Variants in DNAH7 observed in about 807,000 individuals in gnomAD.
DNAH7 encodes axonemal beta dynein heavy chain 7.
Under a neutral mutation model 444.6 loss-of-function variants are expected in DNAH7, and 397 were observed. That is an observed-to-expected ratio of 0.89 (90% CI 0.82 to 0.97). The LOEUF (loss-of-function observed/expected upper bound fraction) is 0.97, where lower values mean the gene tolerates loss of function less well. DNAH7 is among the 50% of genes least tolerant of loss of function. The probability of loss-of-function intolerance (pLI) is 0.00; values close to 1 mark genes in which losing one functional copy is unlikely to be tolerated. For missense variants in DNAH7, 4,902 were observed against 4,800.8 expected, an observed-to-expected ratio of 1.02 and a Z score of -0.62; for synonymous variants, 1,636 against 1,624.4, an observed-to-expected ratio of 1.01 and a Z score of -0.17.
intron 17 of DNAH7, among the ~76,000 whole-genome samples, chr2:195,966,800 T>G (rs1176537971): frequency 6.6e-6 from 1 of 152,184 alleles, no homozygotes; most frequent in African/African-American, 2.4e-5. Context: ...ATGGAATATA[T>G]TTTTTCAACC....
chr2:195,763,142 T>G (rs1285090241), intron 61 of DNAH7, among the ~76,000 whole-genome samples: 1 of 152,102 alleles, frequency 6.6e-6, no homozygotes, highest in East Asian at 1.9e-4. Context: ...AAAAGGAAAT[T>G]CAAAATTTTC....
rs1246476288 is a variant in DNAH7 at position 195,957,299 on chromosome 2, C to A, written c.3040G>T (p.Asp1014Tyr). The A allele has an allele frequency of 6.2e-7, 1 of 1,600,108 alleles. No individual in the cohort carries two copies. Among genetic ancestry groups the A allele is most frequent in the Middle Eastern group, 1.7e-4 (1 of 5,824 alleles). ...PEEGRRFTAV[D>Y]KTWRDIMRSV... is the part of the protein sequence containing the mutation. ...CTCATTATATCTCTCCATGTCTTAT[C>A]CACAGCTGTAAATCGTCTGCCTTCC... Residue 1014 changes from aspartate to tyrosine, a missense_variant, in exon 19 of 65, where the codon GAT becomes TAT. Asp to Tyr is a radical substitution (Grantham distance 160, BLOSUM62 -3). Transcript: ENST00000312428.
At chr2:196,032,823 C>G (rs1696140313) in intron 5 of DNAH7, among the ~76,000 whole-genome samples, 1 of 152,116 alleles carries the variant, frequency 6.6e-6, no homozygotes, top group African/African-American at 2.4e-5. Flanking sequence ...AAGAAAACTA[C>G]AGGGCCATAT....
intron 57 of DNAH7, among the ~76,000 whole-genome samples, chr2:195,787,820 G>C (rs768675832): frequency 1.3e-5 from 2 of 152,060 alleles, no homozygotes; most frequent in African/African-American, 4.8e-5. Flanking sequence ...AAGTGAAGTC[G>C]CCACACTCCT....
chr2:195,974,947 A>G (rs958047911), intron 15 of DNAH7, among the ~76,000 whole-genome samples: 24 of 152,096 alleles, frequency 1.6e-4, no homozygotes, highest in African/African-American at 5.1e-4. Context: ...AATCACTTTA[A>G]CTCTTTTTTA....
chr2:195,849,652 A>G (rs1383045995), intron 46 of DNAH7, among the ~76,000 whole-genome samples: 1 of 152,006 alleles, frequency 6.6e-6, no homozygotes, highest in Non-Finnish European at 1.5e-5. Flanking sequence ...CCCAGGCTGG[A>G]GTGCAGTGGC....
At chr2:196,000,536 T>C (rs187511865) in intron 12 of DNAH7, among the ~76,000 whole-genome samples, 168 bp downstream of exon 12, 1 of 152,344 alleles carries the variant, frequency 6.6e-6, no homozygotes, top group African/African-American at 2.4e-5. Context: ...AAAGTAGGTA[T>C]ATTTTGAGAG....
Position 195,834,262 on chromosome 2 carries a change from A to T in DNAH7, c.9044T>A (p.Leu3015His). 1 of 1,609,090 alleles carries T rather than the reference A, an allele frequency of 6.2e-7. No individual in the cohort carries two copies. The highest frequency in any genetic ancestry group is 8.5e-7 in the Non-Finnish European group (1 of 1,176,048). Residue 3015 changes from leucine (L) to histidine (H), a missense_variant, in exon 48 of 65, where the codon CTT (leucine) becomes CAT (histidine). Coordinates refer to ENST00000312428, the MANE Select transcript of DNAH7 (RefSeq NM_018897.3). ...AGTCCTGACATAGTCAGGTTCACTA[A>T]GTTTAATCACATAAAGACTATTGGC... ...EKANSLYVIK[L>H]SEPDYVRTLE...
intron 10 of DNAH7, among the ~76,000 whole-genome samples, chr2:196,012,504 A>T (rs1694781288): frequency 1.3e-5 from 2 of 152,144 alleles, no homozygotes; most frequent in Admixed American, 1.3e-4. Context: ...TTAGGTAACC[A>T]TTCTCTCATG....
intron 19 of DNAH7, among the ~76,000 whole-genome samples, chr2:195,945,465 T>A (rs567494402): frequency 6.6e-6 from 1 of 152,280 alleles, no homozygotes; most frequent in African/African-American, 2.4e-5. Context: ...AGTCATGTGT[T>A]CACGATCTTC....
At chr2:195,863,758 C>T (rs913711605) in intron 41 of DNAH7, among the ~76,000 whole-genome samples, 1 of 152,162 alleles carries the variant, frequency 6.6e-6, no homozygotes, top group African/African-American at 2.4e-5. Context: ...AGTAACACTT[C>T]CTGCTATTGC....
At chr2:195,998,341 G>A in intron 12 of DNAH7, among the ~76,000 whole-genome samples, 1 of 152,124 alleles carries the variant, frequency 6.6e-6, no homozygotes, top group Non-Finnish European at 1.5e-5. Flanking sequence ...TTGGGAGGCA[G>A]AGGTGGGCGG....
rs1169010067 is a variant in DNAH7, at chr2:195,857,376, C to G, written c.8414+1G>C. The G allele has an allele frequency of 6.4e-7, 1 of 1,558,140 alleles. No individual in the cohort carries two copies. The highest frequency in any genetic ancestry group is 8.6e-7 in the Non-Finnish European group (1 of 1,158,888). ...CTGGATTTCTTTTTATCAGCACTTA[C>G]TTATCATATGAATCCATTGCTATGA... On this transcript the variant is annotated splice_donor_variant, in intron 44 of 64. Coordinates refer to ENST00000312428, the MANE Select transcript of DNAH7 (RefSeq NM_018897.3). LOFTEE classifies it high-confidence loss of function.
intron 10 of DNAH7, among the ~76,000 whole-genome samples, chr2:196,004,757 C>T (rs1005082749): frequency 6.7e-6 from 1 of 148,602 alleles, no homozygotes; most frequent in African/African-American, 2.5e-5. Context: ...CAAGACCAGC[C>T]TGGACAACAT....
At chr2:195,833,890 G>T (rs1698197115) in intron 48 of DNAH7, among the ~76,000 whole-genome samples, 1 of 151,980 alleles carries the variant, frequency 6.6e-6, no homozygotes, top group Non-Finnish European at 1.5e-5. Context: ...GAGTAGCTGG[G>T]ATTACAGGCA....
rs146118912 is a variant in DNAH7, at chr2:195,911,902, TG to T, written c.3936-1708del. Reference sequence around the variant, plus strand: ...AAAAGTAAGGCAAAGCAAGAAGCACTGGTGAGTAAAGAAAATGATAAAAATT... The same window carrying T: ...AAAAGTAAGGCAAAGCAAGAAGCACTGTGAGTAAAGAAAATGATAAAAATT... On this transcript the variant is annotated intron_variant, in intron 24 of 64. Coordinates refer to ENST00000312428, the MANE Select transcript of DNAH7 (RefSeq NM_018897.3). Among the ~76,000 whole-genome samples, 227 of 152,278 alleles carry T rather than the reference TG, an allele frequency of 1.5e-3. 1 individual carries two copies. Among genetic ancestry groups the T allele is most frequent in the African/African-American group, 5.0e-3 (208 of 41,560 alleles).
chr2:195,749,994 AAAATAAAATAAAG>A (rs1490915305), intron 63 of DNAH7, among the ~76,000 whole-genome samples: 1 of 151,948 alleles, frequency 6.6e-6, no homozygotes, highest in African/African-American at 2.4e-5. Flanking sequence ...ATAATAAAAT[AAAATAAAATAAAG>A]AAATAAAATA....
Position 195,969,955 on chromosome 2 carries a change from G to T in DNAH7, c.2198C>A (p.Ala733Glu), listed in dbSNP as rs78418952. 715 of 1,604,236 alleles carry T rather than the reference G, an allele frequency of 4.5e-4. 2 individuals carry two copies. The African/African-American group carries it at 8.1e-3, about 18-fold the overall frequency. Residue 733 changes from alanine (A) to glutamate (E), a missense_variant, in exon 17 of 65, where the codon GCA becomes GAA. Coordinates refer to ENST00000312428, the MANE Select transcript of DNAH7 (RefSeq NM_018897.3). ...AGAATTTTTGAATTATACCTTATCTGCAGCTAAATCCAACTTTCCATTCAG... is the reference window on the plus strand; with the variant it reads ...AGAATTTTTGAATTATACCTTATCTTCAGCTAAATCCAACTTTCCATTCAG... ...QILNGKLDLA[A>E]DKIEQFNAEE...
intron 57 of DNAH7, among the ~76,000 whole-genome samples, chr2:195,788,504 A>G (rs1695731688): frequency 6.6e-6 from 1 of 152,228 alleles, no homozygotes; most frequent in African/African-American, 2.4e-5. Context: ...CAGAAAAGTC[A>G]AAGAAATGGC....
Sources: gnomAD v4.1 joint callset for allele counts (sites outside exome capture counted in the v4.1 genomes callset) on GRCh38, gnomAD v4.1.1 for gene constraint, MANE v1.5 for transcripts, NCBI Gene and HGNC (gene_info 2026-07-23, HGNC 2026-07-21) for gene names.